SYT16: variants seen among roughly 807,000 people sequenced by gnomAD.
The protein encoded by SYT16 is synaptotagmin 16.
Under a neutral mutation model 61.4 loss-of-function variants are expected in SYT16, and 42 were observed. That is an observed-to-expected ratio of 0.68 (90% CI 0.53 to 0.89). The LOEUF (loss-of-function observed/expected upper bound fraction) is 0.89, where lower values mean the gene tolerates loss of function less well. SYT16 is among the 40% of genes least tolerant of loss of function. The pLI, the probability that SYT16 is intolerant of heterozygous loss-of-function variation, is 0.00. For missense variants in SYT16, 804 were observed against 807.3 expected (o/e 1.00, Z 0.05); for synonymous variants, 314 against 302.3 (o/e 1.04, Z -0.40).
At chr14:61,976,183 C>A (rs1374389023) in intron 2 of SYT16, among the ~76,000 whole-genome samples, 1 of 152,184 alleles carries the variant, frequency 6.6e-6, no homozygotes, top group African/African-American at 2.4e-5. Context: ...AGGTGGGTTC[C>A]CATGGTCTTT....
At chr14:62,032,875 A>G (rs2054361836) in intron 3 of SYT16, among the ~76,000 whole-genome samples, 1 of 151,994 alleles carries the variant, frequency 6.6e-6, no homozygotes, top group African/African-American at 2.4e-5. Context: ...ACAATGAAAG[A>G]AATTTGTATC....
chr14:62,023,571 C>G (rs1228945902), intron 3 of SYT16, among the ~76,000 whole-genome samples: 2 of 152,112 alleles, frequency 1.3e-5, no homozygotes, highest in South Asian at 2.1e-4. Context: ...CTCTAGTTCC[C>G]CATGGTGGAA....
rs377240526 is a variant in SYT16 at position 62,084,158 on chromosome 14, C to T, written c.1435-38C>T. 1.2e-4 allele frequency: 186 copies of T among 1,600,722 alleles called. 1 individual carries two copies. The highest frequency in any genetic ancestry group is 1.5e-4 in the Non-Finnish European group (176 of 1,174,556). ...CTTTCTCTAAAAGAGAGTAGTGCAG[C>T]GTGGGCCAATGGATTCTTTGTTGTT... On this transcript the variant is annotated intron_variant, in intron 6 of 7. Coordinates refer to ENST00000683842, the MANE Select transcript of SYT16 (RefSeq NM_001367656.1).
At chr14:62,097,663 C>T (rs2057312924) in intron 7 of SYT16, among the ~76,000 whole-genome samples, 2 of 152,264 alleles carry the variant, frequency 1.3e-5, no homozygotes, top group South Asian at 2.1e-4. Context: ...GACTGGATTG[C>T]TTTTAAGATT....
chr14:61,980,674 T>C (rs1417730921), intron 2 of SYT16, among the ~76,000 whole-genome samples: 1 of 152,174 alleles, frequency 6.6e-6, no homozygotes, highest in African/African-American at 2.4e-5. Flanking sequence ...AAAAGAGAGT[T>C]GTAGTCCCTA....
chr14:62,098,327 G>A (rs977511132), intron 7 of SYT16, among the ~76,000 whole-genome samples: 4 of 152,220 alleles, frequency 2.6e-5, no homozygotes, highest in African/African-American at 9.6e-5. Flanking sequence ...AACATTTTGA[G>A]TTTTAAGGAG....
At chr14:61,831,931 C>T (rs1269671751) in intron 1 of SYT16, 1 of 529,328 alleles carries the variant, frequency 1.9e-6, no homozygotes, top group African/African-American at 1.9e-5. Flanking sequence ...CACCTCATGT[C>T]CAGCATCCTC....
chr14:62,036,688 G>A (rs781436082), intron 3 of SYT16, among the ~76,000 whole-genome samples: 1 of 152,108 alleles, frequency 6.6e-6, no homozygotes, highest in African/African-American at 2.4e-5. Context: ...GTGCAGGGGA[G>A]CTGTCCTTTA....
At chr14:61,863,134 C>A (rs58276350) in intron 1 of SYT16, among the ~76,000 whole-genome samples, 27,989 of 152,032 alleles carry the variant, frequency 0.18, 3,235 homozygotes, top group African/African-American at 0.33. Flanking sequence ...TTGGGTAAAT[C>A]CTAAGGAGAA....
At chr14:61,877,957 A>T (rs536709719) in intron 1 of SYT16, among the ~76,000 whole-genome samples, 54 of 152,316 alleles carry the variant, frequency 3.5e-4, no homozygotes, top group African/African-American at 1.3e-3. Flanking sequence ...CCAGGCACAC[A>T]GGCACACACT....
At chr14:61,898,288 A>G (rs1336205067) in intron 1 of SYT16, among the ~76,000 whole-genome samples, 1 of 152,178 alleles carries the variant, frequency 6.6e-6, no homozygotes, top group African/African-American at 2.4e-5. Flanking sequence ...TTGAGTAGAT[A>G]TAGACCTTTT....
At chr14:61,998,490 G>A (rs1334669312) in intron 3 of SYT16, among the ~76,000 whole-genome samples, 2 of 151,880 alleles carry the variant, frequency 1.3e-5, no homozygotes, top group Non-Finnish European at 2.9e-5. Context: ...ACCATAACGC[G>A]TTTGAGATTC....
chr14:61,863,234 C>T (rs2047020089), intron 1 of SYT16, among the ~76,000 whole-genome samples: 1 of 152,172 alleles, frequency 6.6e-6, no homozygotes, highest in South Asian at 2.1e-4. Context: ...TTTGCATTCC[C>T]ACCAGCAGTG....
intron 3 of SYT16, among the ~76,000 whole-genome samples, chr14:61,999,024 T>A (rs562476915): frequency 1.1e-4 from 16 of 152,080 alleles, no homozygotes; most frequent in South Asian, 2.1e-4. Context: ...GGTATTCTTT[T>A]AATGTATTAC....
chr14:62,056,563 A>G (rs1301920101), intron 3 of SYT16, among the ~76,000 whole-genome samples: 1 of 152,210 alleles, frequency 6.6e-6, no homozygotes, highest in Non-Finnish European at 1.5e-5. Context: ...CGTTAAGTAT[A>G]AAGGCCCCGA....
rs777186420 is a variant in SYT16 at position 61,996,484 on chromosome 14, A to G, written c.465A>G (p.Gln155=). Residue 155 remains glutamine, a synonymous_variant, in exon 3 of 8, where the codon CAA becomes CAG. Transcript: ENST00000683842. ...HHLEKQRSGL[Q]HGFDSQLPGT... is the part of the protein sequence containing the mutation. ...TTGAAAAGCAAAGAAGTGGCCTTCA[A>G]CATGGCTTTGACAGCCAGCTCCCTG... 3 of 1,613,248 alleles carry G rather than the reference A, an allele frequency of 1.9e-6. No homozygotes were observed. The highest frequency in any genetic ancestry group is 2.2e-5 in the East Asian group (1 of 44,850).
chr14:61,978,522 G>T (rs2051917263), intron 2 of SYT16, among the ~76,000 whole-genome samples: 1 of 152,210 alleles, frequency 6.6e-6, no homozygotes, highest in South Asian at 2.1e-4. Flanking sequence ...CAAGTGTGAG[G>T]CTCACTGCAA....
chr14:62,071,166 C>T (rs1267912025), intron 4 of SYT16, among the ~76,000 whole-genome samples: 1 of 152,240 alleles, frequency 6.6e-6, no homozygotes, highest in Non-Finnish European at 1.5e-5. Context: ...CATTTGCCCA[C>T]ACCCCCTCTC....
At chr14:62,098,850 G>T (rs2057345780) in intron 7 of SYT16, among the ~76,000 whole-genome samples, 1 of 152,162 alleles carries the variant, frequency 6.6e-6, no homozygotes, top group Admixed American at 6.5e-5. Flanking sequence ...TGAACTGGTG[G>T]GAGTGAGAGA....
Sources: allele counts gnomAD v4.1 joint callset (sites outside exome capture counted in the v4.1 genomes callset), GRCh38; gene constraint gnomAD v4.1.1; transcripts MANE v1.5; gene names NCBI Gene and HGNC (gene_info 2026-07-23, HGNC 2026-07-21).